The following RPS6KC1 variants were observed in gnomAD, a reference collection of about 807,000 sequenced individuals.
RPS6KC1 encodes inactive ribosomal protein S6 kinase delta-1.
A neutral mutation model predicts 103.8 loss-of-function variants in RPS6KC1; 54 were observed. That is an observed-to-expected ratio of 0.52 (90% CI 0.42 to 0.65). The LOEUF (loss-of-function observed/expected upper bound fraction) is 0.65. Among genes scored for constraint, RPS6KC1 ranks in the 30% least tolerant of loss-of-function variants. RPS6KC1 has a pLI of 0.00. For missense variants in RPS6KC1, 1,151 were observed against 1,253.8 expected (o/e 0.92, Z 1.24); for synonymous variants, 439 against 438.7 (o/e 1.00, Z -0.01).
At chr1:213,818,254 A>T in the RPS6KC1 span, 1 of 152,274 alleles carries the variant, frequency 6.6e-6, no homozygotes, top group South Asian at 2.1e-4. Context: ...GATTAAGCTC[A>T]GTGAGGAAGG....
chr1:213,659,804 T>C, the RPS6KC1 span, among the ~76,000 whole-genome samples: 1 of 152,174 alleles, frequency 6.6e-6, no homozygotes, highest in Non-Finnish European at 1.5e-5. Flanking sequence ...AAAATAAATA[T>C]CTTTGGATCA....
At chr1:213,157,487 G>A (rs537984807) in intron 6 of RPS6KC1, among the ~76,000 whole-genome samples, 23 of 152,286 alleles carry the variant, frequency 1.5e-4, no homozygotes, top group African/African-American at 5.1e-4. Context: ...GATTACAGAC[G>A]TGAGCCACCA....
chr1:213,535,734 G>T, the RPS6KC1 span, among the ~76,000 whole-genome samples: 7 of 152,136 alleles, frequency 4.6e-5, no homozygotes, highest in Non-Finnish European at 8.8e-5. Context: ...GGCTGCAACA[G>T]CTCCAGGTAA....
the RPS6KC1 span, among the ~76,000 whole-genome samples, chr1:213,824,953 T>C: frequency 6.6e-6 from 1 of 152,126 alleles, no homozygotes; most frequent in Non-Finnish European, 1.5e-5. Flanking sequence ...CACACAGGGA[T>C]AGCTGACAAG....
At chr1:213,646,907 G>A in the RPS6KC1 span, among the ~76,000 whole-genome samples, 3 of 126,344 alleles carry the variant, frequency 2.4e-5, no homozygotes, top group Non-Finnish European at 3.5e-5. Flanking sequence ...ATTTTTGTTT[G>A]TTTGTTTTTA....
the RPS6KC1 span, among the ~76,000 whole-genome samples, chr1:213,722,126 A>T: frequency 2.0e-5 from 3 of 152,096 alleles, no homozygotes; most frequent in Non-Finnish European, 4.4e-5. Context: ...CAGGCAGAAA[A>T]AGGCAGCTCC....
intron 7 of RPS6KC1, among the ~76,000 whole-genome samples, chr1:213,170,771 C>G (rs1028212808): frequency 3.1e-4 from 47 of 152,254 alleles, no homozygotes; most frequent in Admixed American, 5.2e-4. Flanking sequence ...TGATTATTTT[C>G]TCATGTATAA....
At chr1:213,836,203 G>A in the RPS6KC1 span, 1 of 151,822 alleles carries the variant, frequency 6.6e-6, no homozygotes, top group East Asian at 2.0e-4. Flanking sequence ...CACAGAACAA[G>A]ACCAGAAGGC....
At chr1:213,107,859 A>G (rs888894712) in intron 4 of RPS6KC1, among the ~76,000 whole-genome samples, 3 of 152,204 alleles carry the variant, frequency 2.0e-5, no homozygotes, top group Non-Finnish European at 4.4e-5. Context: ...TCACCATAGT[A>G]TTAATTTCAG....
the RPS6KC1 span, among the ~76,000 whole-genome samples, chr1:213,775,152 A>G: frequency 2.6e-5 from 4 of 152,246 alleles, no homozygotes; most frequent in African/African-American, 4.8e-5. Flanking sequence ...CTAATCAACA[A>G]TACATTGTGT....
At chr1:213,717,880 C>G in the RPS6KC1 span, among the ~76,000 whole-genome samples, 1 of 152,050 alleles carries the variant, frequency 6.6e-6, no homozygotes, top group African/African-American at 2.4e-5. Context: ...CTTCAGAGAC[C>G]CTCTTTCCTT....
At chr1:213,827,172 G>C in the RPS6KC1 span, among the ~76,000 whole-genome samples, 1 of 152,120 alleles carries the variant, frequency 6.6e-6, no homozygotes, top group Non-Finnish European at 1.5e-5. Context: ...GTTTTTCTTA[G>C]ACTCCCACAT....
chr1:213,717,060 G>C, the RPS6KC1 span, among the ~76,000 whole-genome samples: 3 of 152,142 alleles, frequency 2.0e-5, no homozygotes, highest in Non-Finnish European at 4.4e-5. Flanking sequence ...TTTTTTTCCT[G>C]ATGTTTGCTA....
At chr1:213,091,048 TGAAAAAGGGAGGA>T (rs889987684) in intron 3 of RPS6KC1, among the ~76,000 whole-genome samples, 1 of 151,776 alleles carries the variant, frequency 6.6e-6, no homozygotes, top group Non-Finnish European at 1.5e-5. Flanking sequence ...ATAATGCAGT[TGAAAAAGGGAGGA>T]GTGTTTTTTT....
chr1:213,506,598 A>C, the RPS6KC1 span, among the ~76,000 whole-genome samples: 1 of 152,218 alleles, frequency 6.6e-6, no homozygotes, highest in Admixed American at 6.5e-5. Context: ...TCACTAAAAA[A>C]GGAGTGAGAA....
In RPS6KC1 at chr1:213,241,180, C is replaced by A. The variant is rs754360220; in HGVS notation, c.1704C>A (p.His568Gln). 2 of 1,613,706 alleles carry A rather than the reference C, an allele frequency of 1.2e-6. No homozygotes were observed. The highest frequency in any genetic ancestry group is 2.7e-5 in the African/African-American group (2 of 74,904). The part of the protein sequence containing the change: ...SDSPSTQLRA[H>Q]ELKFFPNDDP... ...GCCCCAGCACACAGCTGAGAGCTCA[C>A]GAGCTGAAGTTCTTCCCCAACGATG... The change falls in exon 11 of 15, where the codon CAC (histidine) becomes CAA (glutamine). Residue 568 changes from histidine to glutamine, a missense_variant. Coordinates refer to ENST00000366960, the MANE Select transcript of RPS6KC1 (RefSeq NM_012424.6).
At chr1:213,502,109 C>G in the RPS6KC1 span, among the ~76,000 whole-genome samples, 1 of 152,258 alleles carries the variant, frequency 6.6e-6, no homozygotes. Flanking sequence ...GAGTCTATCC[C>G]TTATTTTAAA....
At chr1:213,763,496 G>C in the RPS6KC1 span, among the ~76,000 whole-genome samples, 3 of 152,290 alleles carry the variant, frequency 2.0e-5, no homozygotes, top group African/African-American at 7.2e-5. Flanking sequence ...GGTCAATTCC[G>C]AGCAGGAAGA....
chr1:213,702,704 T>C, the RPS6KC1 span, among the ~76,000 whole-genome samples: 2 of 152,062 alleles, frequency 1.3e-5, no homozygotes, highest in African/African-American at 4.8e-5. Flanking sequence ...TTTCTTGAAA[T>C]TTATTTTTCT....
Sources: allele counts gnomAD v4.1 joint callset (sites outside exome capture counted in the v4.1 genomes callset), GRCh38; gene constraint gnomAD v4.1.1; transcripts MANE v1.5; gene names NCBI Gene and HGNC (gene_info 2026-07-23, HGNC 2026-07-21).